INO80: variants seen among roughly 807,000 people sequenced by gnomAD.
The protein encoded by INO80 is INO80 complex ATPase subunit.
Under a neutral mutation model 203.4 loss-of-function variants are expected in INO80, and 20 were observed. The ratio of observed to expected loss-of-function variants is 0.10; its 90% CI spans 0.07 to 0.14. The LOEUF (loss-of-function observed/expected upper bound fraction) is 0.14. INO80 is among the 10% of genes least tolerant of loss of function. The pLI, the probability that INO80 is intolerant of heterozygous loss-of-function variation, is 1.00. For synonymous variants in INO80, 726 were observed against 685.2 expected (o/e 1.06, Z -0.93); for missense variants, 1,419 against 1,914.4 (o/e 0.74, Z 4.83).
intron 1 of INO80, among the ~76,000 whole-genome samples, chr15:41,102,337 T>C (rs746517235): frequency 6.6e-6 from 1 of 152,112 alleles, no homozygotes; most frequent in Non-Finnish European, 1.5e-5. Context: ...TTTTTAAAAT[T>C]ATATATTACC....
chr15:41,049,984 G>A lies in INO80; in HGVS notation c.2393C>T (p.Ala798Val). The A allele has an allele frequency of 6.2e-7, 1 of 1,614,140 alleles. No homozygotes were observed. Among genetic ancestry groups the A allele is most frequent in the East Asian group, 2.2e-5 (1 of 44,894 alleles). Residue 798 changes from alanine (A) to valine (V), a missense_variant, in exon 20 of 36, where the codon GCA becomes GTA. Physicochemically the swap from Ala to Val is moderately conservative, Grantham distance 64. Around this residue, in one of 9 missense-constraint regions of INO80, gnomAD observed 192 missense variants for 406.7 expected, o/e 0.47. Coordinates refer to ENST00000648947, the MANE Select transcript of INO80 (RefSeq NM_017553.3). Reference protein sequence around the residue: ...LQSSMGSTQQAQNTTSSLMNL... With the variant: ...LQSSMGSTQQVQNTTSSLMNL... Reference sequence around the variant, plus strand: ...CATGAGGCTGCTGGTGGTGTTCTGTGCTTGTTGGGTAGAGCCCATAGAAGA... The same window carrying A: ...CATGAGGCTGCTGGTGGTGTTCTGTACTTGTTGGGTAGAGCCCATAGAAGA...
intron 9 of INO80, among the ~76,000 whole-genome samples, chr15:41,077,535 T>C (rs1265383396): frequency 1.3e-5 from 2 of 152,138 alleles, no homozygotes; most frequent in Non-Finnish European, 2.9e-5. Flanking sequence ...ATGTTCATGT[T>C]TCAAACCTAA....
intron 2 of INO80, 56 bp downstream of exon 2, chr15:41,096,112 A>C: frequency 6.6e-7 from 1 of 1,519,344 alleles, no homozygotes; most frequent in Non-Finnish European, 8.9e-7. Context: ...AAAATCTGTA[A>C]GGATGATGGA....
At chr15:41,044,049 C>G (rs2044712684) in intron 24 of INO80, among the ~76,000 whole-genome samples, 1 of 152,282 alleles carries the variant, frequency 6.6e-6, no homozygotes, top group South Asian at 2.1e-4. Context: ...CTGCCATTCC[C>G]AGGTGTAGTG....
At chr15:40,991,970 G>T (rs1402045414) in intron 29 of INO80, among the ~76,000 whole-genome samples, 2 of 152,130 alleles carry the variant, frequency 1.3e-5, no homozygotes, top group Non-Finnish European at 2.9e-5. Flanking sequence ...GAGAGACGGG[G>T]TTTCACTGTG....
At chr15:40,980,913 G>C (rs1180129416) in intron 35 of INO80, among the ~76,000 whole-genome samples, 1 of 152,144 alleles carries the variant, frequency 6.6e-6, no homozygotes, top group Non-Finnish European at 1.5e-5. Context: ...TCTCTATCCT[G>C]TGTCTATATT....
Position 41,085,352 on chromosome 15 carries a change from T to C in INO80, c.873+17A>G, listed in dbSNP as rs760463220. 6.8e-6 allele frequency: 11 copies of C among 1,608,946 alleles called. No homozygotes were observed. Among genetic ancestry groups the C allele is most frequent in the Non-Finnish European group, 9.4e-6 (11 of 1,175,304 alleles). Reference sequence around the variant, plus strand: ...AAACATTCTCCTAATTTCCATCTCCTGGAGGCATTCACTTACCTTTGGTAG... The same window carrying C: ...AAACATTCTCCTAATTTCCATCTCCCGGAGGCATTCACTTACCTTTGGTAG... On this transcript the variant is annotated intron_variant, in intron 7 of 35. Coordinates refer to ENST00000648947, the MANE Select transcript of INO80 (RefSeq NM_017553.3).
chr15:41,103,643 G>A (rs557930843), intron 1 of INO80, among the ~76,000 whole-genome samples: 10 of 151,948 alleles, frequency 6.6e-5, no homozygotes, highest in African/African-American at 1.9e-4. Context: ...CACCTGCCTC[G>A]GCCTCCCAAA....
intron 28 of INO80, among the ~76,000 whole-genome samples, chr15:40,998,983 T>TACACACACAC (rs10650860): frequency 0.12 from 16,892 of 140,172 alleles, 1,061 homozygotes; most frequent in South Asian, 0.13. Flanking sequence ...AAGATTTATC[T>TACACACACAC]ACACACACAC....
intron 24 of INO80, among the ~76,000 whole-genome samples, chr15:41,034,917 TCAGAACTAATGTGG>T (rs1415945971): frequency 1.3e-5 from 2 of 151,994 alleles, no homozygotes; most frequent in Admixed American, 6.6e-5. Context: ...AGTTACATAA[TCAGAACTAATGTGG>T]CAAATTAAAT....
chr15:41,044,821 T>C, intron 24 of INO80, 83 bp downstream of exon 24: 1 of 1,408,082 alleles, frequency 7.1e-7, no homozygotes. Flanking sequence ...CAGGCCTTCA[T>C]TTACTTTACT....
At chr15:41,003,714 AAAAAC>A (rs2043998177) in intron 28 of INO80, among the ~76,000 whole-genome samples, 1 of 152,192 alleles carries the variant, frequency 6.6e-6, no homozygotes, top group Admixed American at 6.5e-5. Flanking sequence ...GTTACTGAAG[AAAAAC>A]AAAACATTAC....
At chr15:41,050,203 G>C in intron 19 of INO80, 101 bp from the exon 20 acceptor site, 1 of 749,780 alleles carries the variant, frequency 1.3e-6, no homozygotes, top group Non-Finnish European at 2.2e-6. Flanking sequence ...TTATGATTGA[G>C]AATAAACATA....
intron 24 of INO80, among the ~76,000 whole-genome samples, chr15:41,042,116 G>T (rs12324386): frequency 3.3e-5 from 5 of 151,182 alleles, no homozygotes; most frequent in Non-Finnish European, 7.4e-5. Context: ...GGGTTCAAGA[G>T]ATTCTCCTAC....
At chr15:41,077,832 T>C (rs1439193549) in intron 9 of INO80, among the ~76,000 whole-genome samples, 4 of 152,088 alleles carry the variant, frequency 2.6e-5, no homozygotes, top group African/African-American at 7.2e-5. Context: ...GCTAGGATTA[T>C]GGGCATGAGC....
intron 14 of INO80, among the ~76,000 whole-genome samples, chr15:41,067,044 A>G (rs1723028914): frequency 6.6e-6 from 1 of 152,108 alleles, no homozygotes; most frequent in Admixed American, 6.6e-5. Context: ...TGAAAACTTA[A>G]GTGGTTTGGT....
chr15:41,051,140 A>G (rs937413295), intron 19 of INO80, among the ~76,000 whole-genome samples: 1 of 150,876 alleles, frequency 6.6e-6, no homozygotes, highest in Non-Finnish European at 1.5e-5. Flanking sequence ...AAAAAAAAAA[A>G]AAAGAAAGTT....
chr15:41,045,414 TAC>T (rs2044738780), intron 23 of INO80, among the ~76,000 whole-genome samples: 1 of 151,442 alleles, frequency 6.6e-6, no homozygotes, highest in Admixed American at 6.6e-5. Context: ...GATGGCAAAA[TAC>T]AGTCTCTACT....
chr15:41,050,433 T>TACC (rs1478551758), intron 19 of INO80, among the ~76,000 whole-genome samples: 1 of 152,048 alleles, frequency 6.6e-6, no homozygotes, highest in Non-Finnish European at 1.5e-5. Context: ...ACTCTAAGAG[T>TACC]ACCACTCAGT....
Sources: allele counts gnomAD v4.1 joint callset (sites outside exome capture counted in the v4.1 genomes callset), GRCh38; gene constraint gnomAD v4.1.1; regional missense constraint gnomAD v4.1.1; transcripts MANE v1.5; gene names NCBI Gene and HGNC (gene_info 2026-07-23, HGNC 2026-07-21).